PDE3A: variants seen among roughly 807,000 people sequenced by gnomAD.
PDE3A encodes the protein cGMP-inhibited 3',5'-cyclic phosphodiesterase 3A.
A neutral mutation model predicts 98.3 loss-of-function variants in PDE3A; 43 were observed. The ratio of observed to expected loss-of-function variants is 0.44; its 90% CI spans 0.34 to 0.56. The LOEUF (loss-of-function observed/expected upper bound fraction) is 0.56, where lower values mean the gene tolerates loss of function less well. Among genes scored for constraint, PDE3A ranks in the 20% least tolerant of loss-of-function variants. The pLI is 0.01. For missense variants in PDE3A, 1,427 were observed against 1,440.7 expected (o/e 0.99, Z 0.15); for synonymous variants, 663 against 567.9 (o/e 1.17, Z -2.38).
intron 1 of PDE3A, among the ~76,000 whole-genome samples, chr12:20,485,095 A>C (rs1945702236): frequency 6.6e-6 from 1 of 152,156 alleles, no homozygotes; most frequent in Admixed American, 6.5e-5. Flanking sequence ...AAGTACCAAA[A>C]ACTGTGCTGC....
chr12:20,579,534 G>A (rs1943017107), intron 2 of PDE3A, among the ~76,000 whole-genome samples: 1 of 152,108 alleles, frequency 6.6e-6, no homozygotes, highest in African/African-American at 2.4e-5. Context: ...AGAGCTACAA[G>A]TCCATTAGGT....
intron 15 of PDE3A, among the ~76,000 whole-genome samples, chr12:20,674,461 A>G (rs1438404216): frequency 2.6e-5 from 4 of 152,148 alleles, no homozygotes; most frequent in African/African-American, 9.7e-5. Context: ...ATGTTGAGGC[A>G]TGTTCCTTCC....
At chr12:20,572,458 A>G (rs1283797114) in intron 2 of PDE3A, among the ~76,000 whole-genome samples, 2 of 152,128 alleles carry the variant, frequency 1.3e-5, no homozygotes, top group African/African-American at 2.4e-5. Flanking sequence ...AGAACTGTTC[A>G]CTAAACTCCC....
rs1945805232 is a variant in PDE3A at position 20,682,193 on chromosome 12, T to C, written c.*1922T>C. ...GAAAAACTGTTAACCAATACCATAT[T>C]TTATAGTTGGTGTCCATTTCTTTCC... On this transcript the variant is annotated 3_prime_UTR_variant, in exon 16 of 16. Transcript: ENST00000359062. 6.6e-6 allele frequency: 1 copy of C among 152,184 alleles called. No individual in the cohort carries two copies. Among genetic ancestry groups the C allele is most frequent in the African/African-American group, 2.4e-5 (1 of 41,444 alleles). The allele number at this position is 152,184 out of a possible 1,614,324, so 9.4% of individuals were successfully genotyped here. A position where few individuals can be genotyped will look rare whatever the true frequency, so the allele number is the denominator to read the frequency against.
chr12:20,679,467 T>C (rs939117420), intron 15 of PDE3A, among the ~76,000 whole-genome samples: 2 of 152,166 alleles, frequency 1.3e-5, no homozygotes, highest in South Asian at 4.1e-4. Context: ...CAGGATGGTC[T>C]CAATCTCCTG....
chr12:20,506,124 GTGTGTA>G (rs777358234), intron 1 of PDE3A, among the ~76,000 whole-genome samples: 1 of 140,308 alleles, frequency 7.1e-6, no homozygotes, highest in Non-Finnish European at 1.6e-5. Context: ...GTGTGTGTGT[GTGTGTA>G]TGTGTGTGTA....
intron 15 of PDE3A, among the ~76,000 whole-genome samples, chr12:20,668,483 A>G (rs1945381482): frequency 6.6e-6 from 1 of 152,110 alleles, no homozygotes; most frequent in Non-Finnish European, 1.5e-5. Context: ...TGGTTCTCCC[A>G]GCATGCAGCT....
At chr12:20,631,700 A>ATTTTTTTTTTTTTTTTT (rs58133440) in intron 6 of PDE3A, among the ~76,000 whole-genome samples, 1 of 116,874 alleles carries the variant, frequency 8.6e-6, no homozygotes, top group Non-Finnish European at 1.8e-5. Context: ...ATCATAGTGT[A>ATTTTTTTTTTTTTTTTT]TTTTTTTTTT....
chr12:20,376,018 G>A (rs1283742654), intron 1 of PDE3A, among the ~76,000 whole-genome samples: 1 of 151,898 alleles, frequency 6.6e-6, no homozygotes, highest in Non-Finnish European at 1.5e-5. Context: ...TGAAGACATG[G>A]AGAATGTTTT....
At chr12:20,662,255 T>C (rs1406324358) in intron 15 of PDE3A, among the ~76,000 whole-genome samples, 1 of 152,166 alleles carries the variant, frequency 6.6e-6, no homozygotes, top group Admixed American at 6.5e-5. Flanking sequence ...TAGAGACTTG[T>C]TGAATGGCAC....
chr12:20,520,704 C>T (rs981384112), intron 1 of PDE3A, among the ~76,000 whole-genome samples: 6 of 152,186 alleles, frequency 3.9e-5, no homozygotes, highest in Admixed American at 1.3e-4. Context: ...ATCCCTCTGC[C>T]GCTTCTTGGC....
chr12:20,470,279 G>T (rs935597701), intron 1 of PDE3A, among the ~76,000 whole-genome samples: 1 of 152,122 alleles, frequency 6.6e-6, no homozygotes, highest in Non-Finnish European at 1.5e-5. Flanking sequence ...AGTGGGAATG[G>T]AAAATAGTTT....
At chr12:20,510,528 C>A (rs564567528) in intron 1 of PDE3A, among the ~76,000 whole-genome samples, 5 of 152,058 alleles carry the variant, frequency 3.3e-5, no homozygotes, top group African/African-American at 1.2e-4. Context: ...AAGAGAGGGA[C>A]TTGAGTGTGT....
intron 15 of PDE3A, among the ~76,000 whole-genome samples, chr12:20,671,784 T>A (rs9706219): frequency 1.6e-4 from 23 of 141,666 alleles, no homozygotes; most frequent in Non-Finnish European, 2.8e-4. Context: ...CTTTGAAAAC[T>A]GGCACAAGAC....
At chr12:20,652,359 T>G (rs1187979335) in intron 14 of PDE3A, among the ~76,000 whole-genome samples, 4 of 147,982 alleles carry the variant, frequency 2.7e-5, no homozygotes, top group African/African-American at 7.4e-5. Context: ...CTTCCACAGT[T>G]GTTGAACTAG....
rs1321925341 is a variant in PDE3A at position 20,688,443 on chromosome 12, G to C, written c.*8172G>C. Among the ~76,000 whole-genome samples the C allele has an allele frequency of 6.6e-6, 1 of 151,216 alleles. No individual in the cohort carries two copies. The highest frequency in any genetic ancestry group is 1.5e-5 in the Non-Finnish European group (1 of 67,840). ...TGCTCCCTTTTTGCCAGAATTACTG[G>C]AAGTGCCTCTTGGTTTTATATATAT... is the stretch of plus-strand genomic sequence containing the variant. On this transcript the variant is annotated 3_prime_UTR_variant, in exon 16 of 16. Transcript: ENST00000359062.
intron 1 of PDE3A, among the ~76,000 whole-genome samples, chr12:20,471,134 C>T (rs1945432493): frequency 6.7e-6 from 1 of 149,410 alleles, no homozygotes; most frequent in African/African-American, 2.6e-5. Flanking sequence ...GCTGACATGC[C>T]CATTCCCAGG....
intron 2 of PDE3A, among the ~76,000 whole-genome samples, chr12:20,566,569 C>T (rs1942662460): frequency 6.6e-6 from 1 of 151,324 alleles, no homozygotes; most frequent in Non-Finnish European, 1.5e-5. Flanking sequence ...GTGGGTGAGA[C>T]AAACAGATGG....
At chr12:20,449,837 T>C in intron 1 of PDE3A, 1 of 566,962 alleles carries the variant, frequency 1.8e-6, no homozygotes, top group Non-Finnish European at 3.1e-6. Flanking sequence ...ACTAATTTAC[T>C]GGCAGAGAGA....
Sources: allele counts gnomAD v4.1 joint callset (sites outside exome capture counted in the v4.1 genomes callset), GRCh38; gene constraint gnomAD v4.1.1; transcripts MANE v1.5; gene names NCBI Gene and HGNC (gene_info 2026-07-23, HGNC 2026-07-21).